The following ARHGAP28 variants were observed in gnomAD, a reference collection of about 807,000 sequenced individuals.
The protein encoded by ARHGAP28 is rho GTPase-activating protein 28.
In ARHGAP28, 56 loss-of-function variants were observed where a neutral mutation model predicts 90.7. That is an observed-to-expected ratio of 0.62 (90% confidence interval 0.50 to 0.77). The LOEUF (loss-of-function observed/expected upper bound fraction) is 0.77, where lower values mean the gene tolerates loss of function less well. ARHGAP28 is among the 30% of genes least tolerant of loss of function. The pLI is 0.00. For synonymous variants in ARHGAP28, 308 were observed against 323.3 expected (o/e 0.95, Z 0.51); for missense variants, 869 against 900.9 (o/e 0.96, Z 0.45).
chr18:6,743,443 G>A (rs1045390609), intron 1 of ARHGAP28, among the ~76,000 whole-genome samples: 13 of 152,292 alleles, frequency 8.5e-5, no homozygotes, highest in African/African-American at 3.1e-4. Context: ...TGTGGAGGCT[G>A]AAATGTGGAA....
chr18:6,870,671 A>C lies in ARHGAP28; in HGVS notation c.893A>C (p.Glu298Ala). The change falls in exon 7 of 18, where the codon GAG becomes GCG. Residue 298 changes from glutamate to alanine, a missense_variant. Coordinates refer to ENST00000383472, the MANE Select transcript of ARHGAP28 (RefSeq NM_001366230.1). Reference protein sequence around the residue: ...FEVSYSEMVTEALKRNKLKKS... With the variant: ...FEVSYSEMVTAALKRNKLKKS... ...GTGTCTTATTCAGAAATGGTTACGGAGGCTCTAAAAAGAAATAAACTTAAG... is the reference window on the plus strand; with the variant it reads ...GTGTCTTATTCAGAAATGGTTACGGCGGCTCTAAAAAGAAATAAACTTAAG... The C allele has an allele frequency of 6.2e-7, 1 of 1,612,234 alleles. No individual in the cohort carries two copies. Among genetic ancestry groups the C allele is most frequent in the Non-Finnish European group, 8.5e-7 (1 of 1,178,698 alleles).
At chr18:6,821,150 T>G (rs2056624260) in intron 1 of ARHGAP28, among the ~76,000 whole-genome samples, 1 of 152,204 alleles carries the variant, frequency 6.6e-6, no homozygotes, top group African/African-American at 2.4e-5. Flanking sequence ...TACACTGTTG[T>G]GAAGTTATAA....
Position 6,825,120 on chromosome 18 carries a change from A to G in ARHGAP28, c.325+156A>G, listed in dbSNP as rs117234942. 1.2e-4 allele frequency among the ~76,000 whole-genome samples: 18 copies of G among 152,280 alleles called. No homozygotes were observed. In the East Asian group the frequency reaches 3.5e-3, roughly 29 times the overall value. On this transcript the variant is annotated intron_variant, in intron 2 of 17. Coordinates refer to ENST00000383472, the MANE Select transcript of ARHGAP28 (RefSeq NM_001366230.1). ...GATCTACTCCCACTGATTGATTTAT[A>G]TCTACTGTACTGGCTCAGGGTGGCT...
chr18:6,913,742 T>TA lies in ARHGAP28; in HGVS notation c.*1588_*1589insA, dbSNP rs1404141782. On this transcript the variant is annotated 3_prime_UTR_variant, in exon 18 of 18. Coordinates refer to ENST00000383472, the MANE Select transcript of ARHGAP28 (RefSeq NM_001366230.1). ...AATTTGTTCATCTGAGAATTTTTTT[T>TA]TTTGCCTGAAAACCCATTAAAAGAA... The TA allele has an allele frequency of 6.6e-6, 1 of 151,806 alleles. No individual in the cohort carries two copies. Among genetic ancestry groups the TA allele is most frequent in the Non-Finnish European group, 1.5e-5 (1 of 67,960 alleles). The allele number at this position is 151,806 out of a possible 1,614,324, so 9.4% of individuals were successfully genotyped here.
In ARHGAP28 at chr18:6,908,973, G is replaced by A. The variant is rs758085743; in HGVS notation, c.2044G>A (p.Glu682Lys). ...CATTTTTTTCAGTCATGGTTCATCA[G>A]AATGTATTAAGATTCAGAACCAAAG... The part of the protein sequence containing the change: ...FQYENSHGSS[E>K]CIKIQNQRLY... The change falls in exon 17 of 18, where the codon GAA (glutamate) becomes AAA (lysine). Residue 682 changes from glutamate (E) to lysine (K), a missense_variant. Coordinates refer to ENST00000383472, the MANE Select transcript of ARHGAP28 (RefSeq NM_001366230.1). The A allele has an allele frequency of 1.9e-6, 3 of 1,543,108 alleles. No homozygotes were observed. The highest frequency in any genetic ancestry group is 1.8e-6 in the Non-Finnish European group (2 of 1,120,234).
intron 4 of ARHGAP28, among the ~76,000 whole-genome samples, chr18:6,853,900 A>G (rs1482821378): frequency 6.6e-6 from 1 of 152,204 alleles, no homozygotes; most frequent in East Asian, 1.9e-4. Flanking sequence ...CCTAAAATGT[A>G]TAAAAGTAGG....
At chr18:6,819,463 C>T (rs892546418) in intron 1 of ARHGAP28, among the ~76,000 whole-genome samples, 3 of 152,196 alleles carry the variant, frequency 2.0e-5, no homozygotes, top group African/African-American at 4.8e-5. Context: ...CATTACCTCC[C>T]TGGGCATGTC....
intron 3 of ARHGAP28, among the ~76,000 whole-genome samples, chr18:6,840,333 A>G (rs997309967): frequency 2.1e-4 from 32 of 152,276 alleles, no homozygotes; most frequent in African/African-American, 7.2e-4. Context: ...AGGAAACTGC[A>G]TTTCTAGGCT....
chr18:6,790,871 A>C (rs902323356), intron 1 of ARHGAP28: 1 of 152,140 alleles, frequency 6.6e-6, no homozygotes, highest in Non-Finnish European at 1.5e-5. Flanking sequence ...TTTTCCAGAA[A>C]AGAAGGAATG....
At chr18:6,894,787 A>G in intron 14 of ARHGAP28, 48 bp from the exon 15 acceptor site, 1 of 1,550,758 alleles carries the variant, frequency 6.4e-7, no homozygotes, top group Non-Finnish European at 8.9e-7. Flanking sequence ...CAAAAGCAAC[A>G]TATGCTTGTT....
chr18:6,807,361 C>T (rs1286947658), intron 1 of ARHGAP28, among the ~76,000 whole-genome samples: 1 of 152,076 alleles, frequency 6.6e-6, no homozygotes, highest in Non-Finnish European at 1.5e-5. Flanking sequence ...TTGCAAGCCT[C>T]GTCATTTTTT....
At chr18:6,784,794 G>T (rs1208312198) in intron 1 of ARHGAP28, among the ~76,000 whole-genome samples, 2 of 152,206 alleles carry the variant, frequency 1.3e-5, no homozygotes, top group Admixed American at 1.3e-4. Flanking sequence ...GAAATGTGTT[G>T]TGTTTTCTAA....
intron 7 of ARHGAP28, among the ~76,000 whole-genome samples, chr18:6,872,956 G>A (rs2057101468): frequency 6.6e-6 from 1 of 151,938 alleles, no homozygotes; most frequent in Non-Finnish European, 1.5e-5. Context: ...GTATGGGATA[G>A]ATAAACCTTG....
At chr18:6,889,474 C>A (rs2057247259) in intron 12 of ARHGAP28, among the ~76,000 whole-genome samples, 1 of 152,146 alleles carries the variant, frequency 6.6e-6, no homozygotes, top group African/African-American at 2.4e-5. Context: ...TAGTTTTCAA[C>A]AGCAATGCTT....
chr18:6,767,618 C>T (rs1327159757), intron 1 of ARHGAP28, among the ~76,000 whole-genome samples: 1 of 152,162 alleles, frequency 6.6e-6, no homozygotes, highest in Non-Finnish European at 1.5e-5. Context: ...TTTCTTTTAA[C>T]ACTTTAAAGA....
chr18:6,909,540 G>T (rs557886416), intron 17 of ARHGAP28, among the ~76,000 whole-genome samples: 2 of 151,652 alleles, frequency 1.3e-5, no homozygotes, highest in African/African-American at 4.8e-5. Flanking sequence ...TGATCCACCC[G>T]CCTCGGCCTC....
chr18:6,819,208 CAA>C (rs919044780), intron 1 of ARHGAP28, among the ~76,000 whole-genome samples: 3 of 152,036 alleles, frequency 2.0e-5, no homozygotes, highest in Admixed American at 6.6e-5. Context: ...TGTGCATAAA[CAA>C]ATGCAACTTT....
chr18:6,842,169 C>T (rs1427503021), intron 3 of ARHGAP28, among the ~76,000 whole-genome samples: 4 of 152,066 alleles, frequency 2.6e-5, no homozygotes, highest in Admixed American at 2.0e-4. Context: ...GGCAGCATAG[C>T]GAGACCATGT....
chr18:6,737,433 A>G (rs1435699513), intron 1 of ARHGAP28, among the ~76,000 whole-genome samples: 1 of 152,180 alleles, frequency 6.6e-6, no homozygotes, highest in Non-Finnish European at 1.5e-5. Flanking sequence ...GCAGCTCTGA[A>G]AGTCTTTAGC....
Sources: allele counts gnomAD v4.1 joint callset (sites outside exome capture counted in the v4.1 genomes callset), GRCh38; gene constraint gnomAD v4.1.1; transcripts MANE v1.5; gene names NCBI Gene and HGNC (gene_info 2026-07-23, HGNC 2026-07-21).